The following PDSS2 variants were observed in gnomAD, a reference collection of about 807,000 sequenced individuals.
The protein encoded by PDSS2 is all trans-polyprenyl-diphosphate synthase PDSS2.
In PDSS2, 31 loss-of-function variants were observed where a neutral mutation model predicts 44.5. The observed-to-expected ratio is 0.70, with a 90% CI of 0.52 to 0.94. The LOEUF (loss-of-function observed/expected upper bound fraction) is 0.94. Ranked by LOEUF, PDSS2 falls within the 40% of genes least tolerant of loss-of-function variation. PDSS2 has a pLI of 0.00. For missense variants in PDSS2, 452 were observed against 482.2 expected, an observed-to-expected ratio of 0.94 and a Z score of 0.59; for synonymous variants, 157 against 180.3, an observed-to-expected ratio of 0.87 and a Z score of 1.03.
At chr6:107,218,524 T>C (rs1327807570) in intron 4 of PDSS2, among the ~76,000 whole-genome samples, 1 of 152,224 alleles carries the variant, frequency 6.6e-6, no homozygotes, top group Non-Finnish European at 1.5e-5. Context: ...TTCCTTGATA[T>C]TACTGGACCA....
chr6:107,321,605 C>A (rs1302870471), intron 2 of PDSS2, among the ~76,000 whole-genome samples: 1 of 152,128 alleles, frequency 6.6e-6, no homozygotes, highest in East Asian at 1.9e-4. Flanking sequence ...GCTCAGTGCT[C>A]CCCTTATTTC....
At chr6:107,396,329 C>T (rs1029787945) in intron 1 of PDSS2, among the ~76,000 whole-genome samples, 4 of 152,162 alleles carry the variant, frequency 2.6e-5, no homozygotes, top group South Asian at 2.1e-4. Flanking sequence ...ATACCACAGG[C>T]GCTGTTTGAA....
chr6:107,342,581 T>C (rs1209708294), intron 1 of PDSS2, among the ~76,000 whole-genome samples: 3 of 152,214 alleles, frequency 2.0e-5, no homozygotes, highest in Non-Finnish European at 2.9e-5. Flanking sequence ...CAAATATTTA[T>C]GTGTTTTGTT....
intron 1 of PDSS2, among the ~76,000 whole-genome samples, chr6:107,453,311 T>C (rs1001212962): frequency 2.0e-5 from 3 of 152,202 alleles, no homozygotes; most frequent in Admixed American, 2.0e-4. Context: ...AGTTTAACAT[T>C]TCATGTTTAA....
At chr6:107,233,592 A>AGACT (rs1774125124) in intron 4 of PDSS2, among the ~76,000 whole-genome samples, 1 of 152,018 alleles carries the variant, frequency 6.6e-6, no homozygotes, top group Non-Finnish European at 1.5e-5. Flanking sequence ...TGGGAGGATC[A>AGACT]CCTGAGGCCA....
intron 1 of PDSS2, among the ~76,000 whole-genome samples, chr6:107,420,304 G>A (rs1216880105): frequency 6.6e-6 from 1 of 152,154 alleles, no homozygotes; most frequent in Non-Finnish European, 1.5e-5. Context: ...GTCCCACACA[G>A]ACAAGCTGGA....
chr6:107,345,520 ATAT>A (rs1450641039), intron 1 of PDSS2, among the ~76,000 whole-genome samples: 1 of 151,840 alleles, frequency 6.6e-6, no homozygotes, highest in Non-Finnish European at 1.5e-5. Flanking sequence ...TACTCATAAC[ATAT>A]TATGAAGAGG....
intron 3 of PDSS2, among the ~76,000 whole-genome samples, chr6:107,266,386 A>ATTT (rs61087986): frequency 3.5e-5 from 5 of 143,272 alleles, no homozygotes; most frequent in African/African-American, 1.0e-4. Flanking sequence ...CCCCTGAGGC[A>ATTT]TTTTTTTTTT....
intron 7 of PDSS2, chr6:107,192,391 G>A (rs1033139052): frequency 5.9e-6 from 3 of 508,444 alleles, no homozygotes; most frequent in East Asian, 5.9e-5. Context: ...AAAGGCCCAG[G>A]GAAAAAGTCA....
Position 107,373,280 on chromosome 6 carries a change from C to T in PDSS2, c.297-38948G>A, listed in dbSNP as rs192584115. Among the ~76,000 whole-genome samples, 4 of 152,164 alleles carry T rather than the reference C, an allele frequency of 2.6e-5. No individual in the cohort carries two copies. In the East Asian group the frequency reaches 5.8e-4, roughly 22 times the overall value. ...GATTACAAGCGTGAGCCACTGCACC[C>T]GGTGTAATAATCCATTTTTTAAAGT... On this transcript the variant is annotated intron_variant, in intron 1 of 7. Transcript: ENST00000369037.
chr6:107,296,159 C>T (rs989204700), intron 2 of PDSS2, among the ~76,000 whole-genome samples: 2 of 152,104 alleles, frequency 1.3e-5, no homozygotes, highest in African/African-American at 4.8e-5. Context: ...AACAAGTGGA[C>T]CTTTATTTTG....
At chr6:107,395,636 T>C (rs372479635) in intron 1 of PDSS2, among the ~76,000 whole-genome samples, 18 of 152,234 alleles carry the variant, frequency 1.2e-4, no homozygotes, top group African/African-American at 3.4e-4. Flanking sequence ...TCTCTACTTA[T>C]GTTGATTTTT....
Position 107,229,439 on chromosome 6 carries a change from TC to T in PDSS2, c.702+16108del, listed in dbSNP as rs527654427. On this transcript the variant is annotated intron_variant, in intron 4 of 7. Transcript: ENST00000369037. ...ACCTCGTGATTCACCCGCCTTGGCC[TC>T]CCAAAGTGCTGGGATTACAGGTGTG... Among the ~76,000 whole-genome samples, 255 of 152,176 alleles carry T rather than the reference TC, an allele frequency of 1.7e-3. 1 individual carries two copies. Among genetic ancestry groups the T allele is most frequent in the Non-Finnish European group, 3.1e-3 (214 of 68,028 alleles).
At chr6:107,397,011 C>T (rs941328944) in intron 1 of PDSS2, among the ~76,000 whole-genome samples, 7 of 152,066 alleles carry the variant, frequency 4.6e-5, no homozygotes, top group East Asian at 1.9e-4. Flanking sequence ...TCCTCTGTTA[C>T]GCAGAAAGGA....
chr6:107,201,390 C>CA (rs747612959), intron 6 of PDSS2, among the ~76,000 whole-genome samples: 4,502 of 52,082 alleles, frequency 0.086, 519 homozygotes, highest in African/African-American at 0.16. Flanking sequence ...CATACAAAAG[C>CA]AAAAAAAAAA....
chr6:107,415,855 C>A (rs201729071), intron 1 of PDSS2, among the ~76,000 whole-genome samples: 2 of 152,182 alleles, frequency 1.3e-5, no homozygotes, highest in East Asian at 3.9e-4. Context: ...CAGAGAACTG[C>A]ATTCACTTAG....
At chr6:107,221,342 GAAAAAAAAAAAAA>G (rs59605783) in intron 4 of PDSS2, among the ~76,000 whole-genome samples, 1 of 70,224 alleles carries the variant, frequency 1.4e-5, no homozygotes, top group Non-Finnish European at 2.5e-5. Flanking sequence ...ACTCCGTCTC[GAAAAAAAAAAAAA>G]AAAAAAAAAA....
chr6:107,215,966 G>A (rs1431865917), intron 4 of PDSS2, among the ~76,000 whole-genome samples: 1 of 151,864 alleles, frequency 6.6e-6, no homozygotes. Context: ...GTGAAATCCC[G>A]TCTCTACCAA....
intron 2 of PDSS2, among the ~76,000 whole-genome samples, chr6:107,288,270 G>A (rs958409937): frequency 1.3e-5 from 2 of 152,070 alleles, no homozygotes; most frequent in African/African-American, 2.4e-5. Context: ...AATGTGGTAC[G>A]GCCAAATCTA....
Sources: gnomAD v4.1 joint callset for allele counts (sites outside exome capture counted in the v4.1 genomes callset) on GRCh38, gnomAD v4.1.1 for gene constraint, MANE v1.5 for transcripts, NCBI Gene and HGNC (gene_info 2026-07-23, HGNC 2026-07-21) for gene names.